Variants in DST observed in about 807,000 individuals in gnomAD.
DST encodes the protein bullous pemphigoid antigen.
A neutral mutation model predicts 875.2 loss-of-function variants in DST; 253 were observed. The ratio of observed to expected loss-of-function variants is 0.29; its 90% CI spans 0.26 to 0.32. The LOEUF is 0.32. Among genes scored for constraint, DST ranks in the 10% least tolerant of loss-of-function variants. DST has a pLI of 1.00. For missense variants in DST, 8,287 were observed against 9,111.6 expected (o/e 0.91, Z 3.68); for synonymous variants, 3,124 against 3,197.1 (o/e 0.98, Z 0.77).
chr6:56,468,299 T>C, intron 98 of DST, among the ~76,000 whole-genome samples: 1 of 151,896 alleles, frequency 6.6e-6, no homozygotes, highest in East Asian at 1.9e-4. Context: ...AAACATTTTA[T>C]ATTGACTTAA....
chr6:56,711,569 T>C (rs2099363312), intron 5 of DST, among the ~76,000 whole-genome samples: 1 of 152,176 alleles, frequency 6.6e-6, no homozygotes, highest in South Asian at 2.1e-4. Context: ...TATAATGTAA[T>C]GTAACTGAAA....
At chr6:56,477,286 C>T in intron 91 of DST, 59 bp downstream of exon 91, 1 of 1,537,418 alleles carries the variant, frequency 6.5e-7, no homozygotes, top group South Asian at 1.3e-5. Context: ...CTGAAATTTC[C>T]CACACCCCTC....
intron 2 of DST, among the ~76,000 whole-genome samples, chr6:56,938,098 CTCTCTCTCTCTATATATA>C (rs1301860567): frequency 7.6e-5 from 2 of 26,174 alleles, no homozygotes; most frequent in East Asian, 3.0e-3. Context: ...CTCTCTCTCT[CTCTCTCTCTCTATATATA>C]TATATATATA....
chr6:56,703,871 CAAAAAAA>C (rs35794687), intron 6 of DST, 125 bp from the exon 7 acceptor site: 1 of 122,400 alleles, frequency 8.2e-6, no homozygotes, highest in Admixed American at 8.9e-5. Flanking sequence ...TAATGTTCAC[CAAAAAAA>C]AAAAAAAAAT....
chr6:56,762,708 C>A (rs1054214992), intron 4 of DST, among the ~76,000 whole-genome samples: 1 of 152,066 alleles, frequency 6.6e-6, no homozygotes, highest in Non-Finnish European at 1.5e-5. Flanking sequence ...CATCTCTTTA[C>A]CTCTACACAT....
intron 99 of DST, among the ~76,000 whole-genome samples, chr6:56,465,631 A>T (rs1040688759): frequency 2.6e-5 from 4 of 152,144 alleles, no homozygotes; most frequent in Admixed American, 6.5e-5. Context: ...AAAATTTTTT[A>T]ATTATGGCTT....
intron 8 of DST, among the ~76,000 whole-genome samples, chr6:56,700,599 T>A (rs2099296273): frequency 6.6e-6 from 1 of 152,118 alleles, no homozygotes; most frequent in Non-Finnish European, 1.5e-5. Flanking sequence ...TAAAATAATA[T>A]AATACTCAGA....
chr6:56,866,684 C>G (rs1475886803), intron 3 of DST, among the ~76,000 whole-genome samples: 1 of 152,214 alleles, frequency 6.6e-6, no homozygotes, highest in Non-Finnish European at 1.5e-5. Context: ...TTATTACCAT[C>G]TGAAACATTA....
intron 4 of DST, among the ~76,000 whole-genome samples, chr6:56,788,100 G>A (rs1267776816): frequency 2.8e-5 from 3 of 108,394 alleles, no homozygotes; most frequent in African/African-American, 1.1e-4. Context: ...TTGCATTCCA[G>A]CCTGAGTGAC....
intron 4 of DST, among the ~76,000 whole-genome samples, chr6:56,740,241 A>AG (rs1486100815): frequency 8.5e-5 from 13 of 152,298 alleles, no homozygotes; most frequent in African/African-American, 3.1e-4. Context: ...GAGATCCAAG[A>AG]ACCCTCTCTT....
intron 4 of DST, among the ~76,000 whole-genome samples, chr6:56,766,473 T>C (rs543291826): frequency 1.3e-5 from 2 of 152,204 alleles, no homozygotes; most frequent in African/African-American, 4.8e-5. Context: ...TTTCTAAAGC[T>C]TGCAGTTTCT....
chr6:56,507,450 C>G (rs1291694697), intron 75 of DST, among the ~76,000 whole-genome samples: 2 of 152,194 alleles, frequency 1.3e-5, no homozygotes, highest in African/African-American at 4.8e-5. Flanking sequence ...GAGGCATAAG[C>G]AACAGTAAAC....
chr6:56,800,097 T>C (rs994568830), intron 4 of DST, among the ~76,000 whole-genome samples: 2 of 152,196 alleles, frequency 1.3e-5, no homozygotes, highest in Non-Finnish European at 2.9e-5. Context: ...GGTTTGGAAC[T>C]GAACCCACAG....
rs765310351 is a variant in DST, at chr6:56,463,674, C to T, written c.22850G>A (p.Arg7617Gln). Reference protein sequence around the residue: ...QGMAAFRPRGRRSRPSSRGAS... With the variant: ...QGMAAFRPRGQRSRPSSRGAS... Reference sequence around the variant, plus strand: ...GCCTCGTGATGATGGCCGGGATCTTCGGCCTCGGGGTCGGAAAGCAGCCAT... The same window carrying T: ...GCCTCGTGATGATGGCCGGGATCTTTGGCCTCGGGGTCGGAAAGCAGCCAT... The change falls in exon 101 of 104, where the codon CGA becomes CAA. Residue 7617 changes from arginine to glutamine, a missense_variant. This residue lies in a region of DST where 64 missense variants were observed against 86.2 expected (regional missense o/e 0.74). Coordinates refer to ENST00000680361, the MANE Select transcript of DST (RefSeq NM_001374736.1). The T allele has an allele frequency of 5.6e-6, 9 of 1,613,846 alleles. No individual in the cohort carries two copies. The highest frequency in any genetic ancestry group is 4.5e-5 in the East Asian group (2 of 44,884).
At position 56,607,717 on chromosome 6, in the gene DST, A is replaced by C. The variant is rs1441713163; in HGVS notation, c.6911T>G (p.Phe2304Cys). 6.2e-7 allele frequency: 1 copy of C among 1,613,332 alleles called. No individual in the cohort carries two copies. Among genetic ancestry groups the C allele is most frequent in the East Asian group, 2.2e-5 (1 of 44,868 alleles). Residue 2304 changes from phenylalanine (F) to cysteine (C), a missense_variant, in exon 40 of 104, where the codon TTT becomes TGT. Coordinates refer to ENST00000680361, the MANE Select transcript of DST (RefSeq NM_001374736.1). Reference protein sequence around the residue: ...ENRKCAIDEEFNEMRNTVINS... With the variant: ...ENRKCAIDEECNEMRNTVINS... ...GATAACAGTATTTCTCATTTCATTA[A>C]ATTCTTCATCTATAGCACACTTTCT...
At chr6:56,876,074 C>T (rs1779516579) in intron 3 of DST, among the ~76,000 whole-genome samples, 1 of 152,148 alleles carries the variant, frequency 6.6e-6, no homozygotes, top group Admixed American at 6.5e-5. Flanking sequence ...TTCTGCTTCT[C>T]CTGCATGTCT....
chr6:56,738,583 G>A (rs2099535074), intron 4 of DST, among the ~76,000 whole-genome samples: 1 of 152,126 alleles, frequency 6.6e-6, no homozygotes, highest in African/African-American at 2.4e-5. Flanking sequence ...GCCTCCCAAA[G>A]TGCTGGGATT....
intron 2 of DST, among the ~76,000 whole-genome samples, chr6:56,924,797 A>G (rs917910534): frequency 6.6e-6 from 1 of 152,150 alleles, no homozygotes; most frequent in Non-Finnish European, 1.5e-5. Context: ...AAAATAAGTG[A>G]CATATGTGTT....
In DST at chr6:56,552,632, AAATGCCC is replaced by A; in HGVS notation, c.16153_16159del (p.Gly5385SerfsTer39). The A allele has an allele frequency of 6.2e-7, 1 of 1,613,976 alleles. No homozygotes were observed. The highest frequency in any genetic ancestry group is 1.1e-5 in the South Asian group (1 of 91,078). On this transcript the variant is annotated frameshift_variant, in exon 61 of 104. Transcript: ENST00000680361. LOFTEE classifies it high-confidence loss of function. ...AAACATTTCTCGAATGGTATTCTGG[AAATGCCC>A]AATGCCCTGAAGCTTGGTTTCTAAG... is the stretch of plus-strand genomic sequence containing the variant.
Sources: gnomAD v4.1 joint callset for allele counts (sites outside exome capture counted in the v4.1 genomes callset) on GRCh38, gnomAD v4.1.1 for gene constraint, gnomAD v4.1.1 regional missense constraint, MANE v1.5 for transcripts, NCBI Gene and HGNC (gene_info 2026-07-23, HGNC 2026-07-21) for gene names.